SCAPER: variants seen among roughly 807,000 people sequenced by gnomAD.
SCAPER encodes S phase cyclin A-associated protein in the endoplasmic reticulum.
In SCAPER, 98 loss-of-function variants were observed where a neutral mutation model predicts 182.2. The ratio of observed to expected loss-of-function variants is 0.54; its 90% confidence interval spans 0.46 to 0.64. The LOEUF is 0.64. Ranked by LOEUF, SCAPER falls within the 30% of genes least tolerant of loss-of-function variation. The probability of loss-of-function intolerance (pLI) is 0.00; values close to 1 mark genes in which losing one functional copy is unlikely to be tolerated. For synonymous variants in SCAPER, 605 were observed against 564.6 expected (o/e 1.07, Z -1.01); for missense variants, 1,432 against 1,690.0 (o/e 0.85, Z 2.68).
intron 2 of SCAPER, among the ~76,000 whole-genome samples, chr15:76,869,685 G>C (rs1293962134): frequency 6.6e-6 from 1 of 152,030 alleles, no homozygotes. Flanking sequence ...CCATTATAGA[G>C]AACAGTATGA....
chr15:76,705,535 A>G (rs902948226), intron 18 of SCAPER, among the ~76,000 whole-genome samples: 1 of 151,918 alleles, frequency 6.6e-6, no homozygotes, highest in Non-Finnish European at 1.5e-5. Context: ...GTACCCTAAA[A>G]CTTAAAGTAT....
At chr15:76,551,843 T>C (rs903771158) in intron 23 of SCAPER, among the ~76,000 whole-genome samples, 10 of 152,250 alleles carry the variant, frequency 6.6e-5, no homozygotes, top group African/African-American at 2.4e-4. Context: ...GAGTCAATTA[T>C]ATATAAAATA....
At chr15:76,397,757 G>T (rs972181373) in intron 27 of SCAPER, among the ~76,000 whole-genome samples, 3 of 152,108 alleles carry the variant, frequency 2.0e-5, no homozygotes, top group Non-Finnish European at 4.4e-5. Context: ...GATTACAGGT[G>T]TGAGCCACCG....
intron 23 of SCAPER, among the ~76,000 whole-genome samples, chr15:76,539,519 T>A (rs1393110915): frequency 1.3e-5 from 2 of 151,648 alleles, no homozygotes. Flanking sequence ...TTTTAACACA[T>A]CTGAAGTTTC....
rs142116387 is a variant in SCAPER at position 76,778,953 on chromosome 15, T to C, written c.773-3836A>G. ...TAATAAATCAGGAGAGGGTAAGTAA[T>C]AGAGAATCCTGAACAAAGAAAATTA... is the stretch of plus-strand genomic sequence containing the variant. On this transcript the variant is annotated intron_variant, in intron 8 of 31. Transcript: ENST00000563290. Among the ~76,000 whole-genome samples the C allele has an allele frequency of 1.6e-4, 24 of 152,064 alleles. No homozygotes were observed. In the East Asian group the frequency reaches 3.9e-3, roughly 24 times the overall value.
At chr15:76,824,962 T>C (rs1303944147) in intron 5 of SCAPER, among the ~76,000 whole-genome samples, 1 of 152,196 alleles carries the variant, frequency 6.6e-6, no homozygotes, top group Admixed American at 6.5e-5. Context: ...GCAAGTTGGC[T>C]TGACTAGATG....
At chr15:76,531,994 G>A (rs1597232684) in intron 23 of SCAPER, among the ~76,000 whole-genome samples, 1 of 152,154 alleles carries the variant, frequency 6.6e-6, no homozygotes, top group Admixed American at 6.5e-5. Context: ...CTCCCCACCA[G>A]GTATCCTTGC....
At chr15:76,633,377 A>T (rs1477149965) in intron 21 of SCAPER, among the ~76,000 whole-genome samples, 1 of 152,192 alleles carries the variant, frequency 6.6e-6, no homozygotes, top group African/African-American at 2.4e-5. Flanking sequence ...GGCGAACTCT[A>T]TTGGGACATC....
At chr15:76,765,118 A>T (rs776715554) in intron 13 of SCAPER, 46 bp from the exon 14 acceptor site, 15 of 1,360,762 alleles carry the variant, frequency 1.1e-5, no homozygotes, top group Non-Finnish European at 1.5e-5. Context: ...TGTTTACATG[A>T]TAAGGCCAGA....
intron 1 of SCAPER, among the ~76,000 whole-genome samples, chr15:76,888,752 T>A (rs549189781): frequency 6.6e-6 from 1 of 152,174 alleles, no homozygotes; most frequent in African/African-American, 2.4e-5. Flanking sequence ...GAAAACACTC[T>A]TCAGGGTATT....
chr15:76,389,397 A>T (rs1418015222), intron 27 of SCAPER, among the ~76,000 whole-genome samples: 1 of 143,658 alleles, frequency 7.0e-6, no homozygotes, highest in African/African-American at 2.6e-5. Flanking sequence ...GCTACTAGGG[A>T]GGCTGAGGCA....
chr15:76,596,617 T>C (rs1330252480), intron 22 of SCAPER, among the ~76,000 whole-genome samples: 1 of 121,140 alleles, frequency 8.3e-6, no homozygotes, highest in Admixed American at 9.4e-5. Context: ...TTATCTACCA[T>C]GATCAAGTCG....
At chr15:76,587,807 T>C (rs1417248101) in intron 22 of SCAPER, among the ~76,000 whole-genome samples, 3 of 152,198 alleles carry the variant, frequency 2.0e-5, no homozygotes, top group Admixed American at 6.5e-5. Flanking sequence ...TAGGATATAG[T>C]TTAAATACAT....
chr15:76,394,688 T>A lies in SCAPER; in HGVS notation c.3467+9836A>T, dbSNP rs112745417. Among the ~76,000 whole-genome samples the A allele has an allele frequency of 2.3e-3, 350 of 152,314 alleles. 4 individuals carry two copies. Among genetic ancestry groups the A allele is most frequent in the African/African-American group, 7.7e-3 (322 of 41,570 alleles). On this transcript the variant is annotated intron_variant, in intron 27 of 31. Transcript: ENST00000563290. ...CTTCCTTGCTCAAAGGCTTTAAAAA[T>A]TCATTTTATGTTTTTAAAATTTTTG...
At chr15:76,871,685 G>C (rs2072746187) in intron 2 of SCAPER, among the ~76,000 whole-genome samples, 2 of 150,862 alleles carry the variant, frequency 1.3e-5, no homozygotes, top group South Asian at 4.2e-4. Flanking sequence ...CAATTCTCCA[G>C]GTTCAAGCAA....
At chr15:76,639,911 T>C (rs1383392226) in intron 21 of SCAPER, among the ~76,000 whole-genome samples, 1 of 152,194 alleles carries the variant, frequency 6.6e-6, no homozygotes, top group Non-Finnish European at 1.5e-5. Context: ...TTGTATTGAC[T>C]CATCCTTTAA....
intron 20 of SCAPER, among the ~76,000 whole-genome samples, chr15:76,675,835 T>C (rs2057338741): frequency 6.6e-6 from 1 of 152,092 alleles, no homozygotes; most frequent in African/African-American, 2.4e-5. Flanking sequence ...AACTGGTTTT[T>C]TTTTTTTGAG....
At chr15:76,712,322 G>A (rs992014391) in intron 17 of SCAPER, among the ~76,000 whole-genome samples, 1 of 152,166 alleles carries the variant, frequency 6.6e-6, no homozygotes, top group African/African-American at 2.4e-5. Flanking sequence ...CCAGTACCAT[G>A]CTGTTTTGGT....
At chr15:76,627,118 T>C (rs1335675218) in intron 21 of SCAPER, among the ~76,000 whole-genome samples, 2 of 152,200 alleles carry the variant, frequency 1.3e-5, no homozygotes, top group Non-Finnish European at 2.9e-5. Flanking sequence ...TGTTCATTAT[T>C]AATCTCAATA....
Sources: allele counts gnomAD v4.1 joint callset (sites outside exome capture counted in the v4.1 genomes callset), GRCh38; gene constraint gnomAD v4.1.1; transcripts MANE v1.5; gene names NCBI Gene and HGNC (gene_info 2026-07-23, HGNC 2026-07-21).